The following TXNRD1 variants were observed in gnomAD, a reference collection of about 807,000 sequenced individuals.
TXNRD1 encodes the protein thioredoxin reductase 1.
In TXNRD1, 57 loss-of-function variants were observed where a neutral mutation model predicts 80.3. The observed-to-expected ratio is 0.71, with a 90% CI of 0.57 to 0.89. The LOEUF is 0.89. Ranked by LOEUF, TXNRD1 falls within the 40% of genes least tolerant of loss-of-function variation. The probability of loss-of-function intolerance (pLI) is 0.00; values close to 1 mark genes in which losing one functional copy is unlikely to be tolerated. For synonymous variants in TXNRD1, 291 were observed against 285.2 expected (o/e 1.02, Z -0.20); for missense variants, 730 against 803.0 (o/e 0.91, Z 1.10).
At chr12:104,234,586 G>T (rs955738934) in intron 1 of TXNRD1, among the ~76,000 whole-genome samples, 6 of 147,956 alleles carry the variant, frequency 4.1e-5, no homozygotes, top group African/African-American at 1.0e-4. Context: ...GAGCCACCGT[G>T]CCTGGCCAAA....
intron 1 of TXNRD1, among the ~76,000 whole-genome samples, chr12:104,246,551 T>G (rs181153183): frequency 1.3e-5 from 2 of 149,300 alleles, no homozygotes; most frequent in Admixed American, 1.3e-4. Flanking sequence ...TGAGATGCAG[T>G]CTCGCTCTGT....
At chr12:104,271,496 T>A (rs1250396879) in intron 3 of TXNRD1, among the ~76,000 whole-genome samples, 1 of 152,086 alleles carries the variant, frequency 6.6e-6, no homozygotes, top group East Asian at 1.9e-4. Context: ...AATGTTCTTA[T>A]AGGTTTTGGG....
chr12:104,270,718 T>C (rs547114672), intron 3 of TXNRD1, among the ~76,000 whole-genome samples: 19 of 152,320 alleles, frequency 1.2e-4, no homozygotes, highest in African/African-American at 4.6e-4. Flanking sequence ...AATGACTAAA[T>C]ACTGGCCTAA....
chr12:104,242,087 G>A (rs1349623636), intron 1 of TXNRD1, among the ~76,000 whole-genome samples: 1 of 151,032 alleles, frequency 6.6e-6, no homozygotes, highest in Non-Finnish European at 1.5e-5. Flanking sequence ...ACAGGCGCAC[G>A]CCACCACACC....
chr12:104,256,876 T>C (rs2135709726), intron 2 of TXNRD1, among the ~76,000 whole-genome samples: 2 of 151,630 alleles, frequency 1.3e-5, no homozygotes, highest in Middle Eastern at 6.8e-3. Flanking sequence ...TTGAATTTGG[T>C]CCTATAGAAA....
At chr12:104,297,177 C>A (rs945687651) in intron 4 of TXNRD1, among the ~76,000 whole-genome samples, 3 of 150,948 alleles carry the variant, frequency 2.0e-5, no homozygotes, top group African/African-American at 7.3e-5. Flanking sequence ...TGTTGGCGGG[C>A]GCCTGTAATC....
chr12:104,257,987 C>T (rs1313153461), intron 2 of TXNRD1, 32 bp from the exon 3 acceptor site: 4 of 1,500,518 alleles, frequency 2.7e-6, no homozygotes, highest in East Asian at 2.5e-5. Flanking sequence ...CCTCATTTTT[C>T]ATTTTCCTCC....
intron 7 of TXNRD1, among the ~76,000 whole-genome samples, chr12:104,317,223 A>C (rs1360774377): frequency 6.6e-6 from 1 of 152,190 alleles, no homozygotes; most frequent in Non-Finnish European, 1.5e-5. Flanking sequence ...CACTCCTAGC[A>C]GAGAAACAGC....
intron 13 of TXNRD1, among the ~76,000 whole-genome samples, chr12:104,330,934 T>C (rs1028760271): frequency 6.6e-5 from 10 of 152,170 alleles, no homozygotes; most frequent in Admixed American, 6.5e-4. Context: ...TATTGAGTAC[T>C]ACAGCAATGT....
At chr12:104,265,528 C>T (rs1167109944) in intron 3 of TXNRD1, 4 of 1,610,372 alleles carry the variant, frequency 2.5e-6, no homozygotes, top group Non-Finnish European at 2.5e-6. Flanking sequence ...GTCCCCCCTG[C>T]GGGTGAAGAA....
rs78064257 is a variant in TXNRD1, at chr12:104,312,922, C to T, written c.538-323C>T. Among the ~76,000 whole-genome samples, 448 of 150,614 alleles carry T rather than the reference C, an allele frequency of 3.0e-3. 3 individuals carry two copies. Among genetic ancestry groups the T allele is most frequent in the Non-Finnish European group, 4.6e-3 (311 of 67,612 alleles). On this transcript the variant is annotated intron_variant, in intron 5 of 16. Transcript: ENST00000525566. ...ACTTGGCAACTTGCTTGGAAATGGC[C>T]ACTTTCTTTTTTCAGGTTATTGCTG...
chr12:104,249,982 A>G, intron 1 of TXNRD1, among the ~76,000 whole-genome samples: 1 of 149,850 alleles, frequency 6.7e-6, no homozygotes. Flanking sequence ...CATAATGATT[A>G]ATAATAATAA....
intron 14 of TXNRD1, 77 bp downstream of exon 14, chr12:104,331,718 T>TA (rs2035954380): frequency 1.1e-6 from 1 of 920,502 alleles, no homozygotes; most frequent in Non-Finnish European, 1.7e-6. Context: ...ATAGAAGACT[T>TA]AAAAAATAGT....
intron 14 of TXNRD1, among the ~76,000 whole-genome samples, chr12:104,333,304 A>T (rs2036023540): frequency 6.6e-6 from 1 of 152,014 alleles, no homozygotes; most frequent in Admixed American, 6.5e-5. Flanking sequence ...ATATTTCTTG[A>T]TAGACAATAT....
chr12:104,277,431 AGT>A (rs1212210253), intron 3 of TXNRD1, among the ~76,000 whole-genome samples: 2 of 150,880 alleles, frequency 1.3e-5, no homozygotes, highest in African/African-American at 4.9e-5. Flanking sequence ...CAGGCACGGT[AGT>A]GTGTGCCTCT....
At chr12:104,277,861 G>A (rs1442577030) in intron 3 of TXNRD1, among the ~76,000 whole-genome samples, 2 of 149,324 alleles carry the variant, frequency 1.3e-5, no homozygotes, top group Non-Finnish European at 3.0e-5. Flanking sequence ...TACCTGGTTT[G>A]TGACCTTTGG....
intron 6 of TXNRD1, among the ~76,000 whole-genome samples, chr12:104,315,284 C>G (rs34189975): frequency 0.034 from 5,211 of 152,280 alleles, 117 homozygotes; most frequent in Non-Finnish European, 0.053. Flanking sequence ...TAAACATGCT[C>G]CGAAAACTTA....
At chr12:104,248,740 T>C (rs985206893) in intron 1 of TXNRD1, among the ~76,000 whole-genome samples, 1 of 152,204 alleles carries the variant, frequency 6.6e-6, no homozygotes, top group African/African-American at 2.4e-5. Flanking sequence ...CAGGTATAGA[T>C]TGGTCTGGTA....
chr12:104,322,032 G>C lies in TXNRD1; in HGVS notation c.1215+716G>C, dbSNP rs2035548895. 3.3e-5 allele frequency among the ~76,000 whole-genome samples: 5 copies of C among 150,474 alleles called. No individual in the cohort carries two copies. In the South Asian group the frequency reaches 1.1e-3, roughly 32 times the overall value. On this transcript the variant is annotated intron_variant, in intron 10 of 16. Transcript: ENST00000525566. ...TTTTCATCTCTCAGTGGGTTGACTT[G>C]AGTTGTGTATGTGACTATGGATCTC... is the stretch of plus-strand genomic sequence containing the variant.
Sources: gnomAD v4.1 joint callset for allele counts (sites outside exome capture counted in the v4.1 genomes callset) on GRCh38, gnomAD v4.1.1 for gene constraint, MANE v1.5 for transcripts, NCBI Gene and HGNC (gene_info 2026-07-23, HGNC 2026-07-21) for gene names.